The following FGF13 variants were observed in gnomAD, a reference collection of about 807,000 sequenced individuals.
The protein encoded by FGF13 is fibroblast growth factor 13.
A neutral mutation model predicts 19.5 loss-of-function variants in FGF13; 2 were observed. That is an observed-to-expected ratio of 0.10 (90% CI 0.04 to 0.32). FGF13 has a LOEUF of 0.32. Among genes scored for constraint, FGF13 ranks in the 10% least tolerant of loss-of-function variants. The pLI, the probability that FGF13 is intolerant of heterozygous loss-of-function variation, is 1.00. For missense variants in FGF13, 113 were observed against 192.7 expected, an observed-to-expected ratio of 0.59 and a Z score of 2.45; for synonymous variants, 72 against 76.9, an observed-to-expected ratio of 0.94 and a Z score of 0.33.
intron 1 of FGF13, among the ~76,000 whole-genome samples, chrX:138,888,396 A>G (rs1329051129): frequency 1.8e-5 from 2 of 111,150 alleles, no homozygotes; most frequent in South Asian, 3.8e-4. Flanking sequence ...GACTCTCACT[A>G]TCTCTTCTAC....
intron 3 of FGF13, among the ~76,000 whole-genome samples, chrX:138,778,252 T>C (rs760421167): frequency 9.3e-6 from 1 of 107,395 alleles, no homozygotes; most frequent in Admixed American, 1.0e-4. Flanking sequence ...GAAATGCTAA[T>C]CAACACTATA....
At chrX:138,944,457 T>G (rs1363392100) in intron 1 of FGF13, among the ~76,000 whole-genome samples, 6 of 108,819 alleles carry the variant, frequency 5.5e-5, no homozygotes, top group Non-Finnish European at 7.6e-5. Flanking sequence ...GGTTATTTCA[T>G]GCTGACCAGA....
chrX:138,690,520 CT>C lies in FGF13; in HGVS notation c.402+12463del, dbSNP rs1231229108. On this transcript the variant is annotated intron_variant, in intron 3 of 4. Transcript: ENST00000315930. ...CCACTTGTGCTGGGCAAGTGGGAGC[CT>C]TTTTTTTTTCTGAGTCACACATATA... Among the ~76,000 whole-genome samples the C allele has an allele frequency of 4.8e-5, 5 of 104,739 alleles. No individual in the cohort carries two copies. In the South Asian group the frequency reaches 1.3e-3, roughly 26 times the overall value. The allele number at this position is 104,739 out of a possible 115,157, so 91.0% of individuals were successfully genotyped here.
At chrX:138,693,015 C>T (rs753503030) in intron 3 of FGF13, among the ~76,000 whole-genome samples, 71 of 111,176 alleles carry the variant, frequency 6.4e-4, no homozygotes, top group African/African-American at 2.2e-3. Context: ...CATTCTCAGT[C>T]ATTCTTACAC....
intron 1 of FGF13, among the ~76,000 whole-genome samples, chrX:139,112,405 A>T (rs1037887065): frequency 1.5e-4 from 17 of 112,061 alleles, no homozygotes; most frequent in African/African-American, 5.2e-4. Flanking sequence ...TTCATATACT[A>T]TACAATTGAC....
At chrX:138,647,106 C>A (rs1242851842) in intron 3 of FGF13, among the ~76,000 whole-genome samples, 1 of 108,879 alleles carries the variant, frequency 9.2e-6, no homozygotes, top group African/African-American at 3.3e-5. Flanking sequence ...ATAGGCTGCC[C>A]AAGGTAAGTA....
intron 3 of FGF13, among the ~76,000 whole-genome samples, chrX:138,804,007 A>G (rs2090848328): frequency 8.9e-6 from 1 of 112,121 alleles, no homozygotes; most frequent in African/African-American, 3.2e-5. Context: ...ACTCTAACCA[A>G]TAATGCTCAC....
chrX:138,861,536 T>C (rs1276671095), intron 2 of FGF13, among the ~76,000 whole-genome samples: 1 of 112,497 alleles, frequency 8.9e-6, no homozygotes, highest in Non-Finnish European at 1.9e-5. Flanking sequence ...AAATCCTCTA[T>C]GTCATTTCAA....
chrX:139,111,554 C>G (rs2083601555), intron 1 of FGF13, among the ~76,000 whole-genome samples: 1 of 111,992 alleles, frequency 8.9e-6, no homozygotes, highest in Admixed American at 9.5e-5. Context: ...TTGATTAAAG[C>G]ATATCAATAT....
chrX:138,798,844 T>C (rs2090802010), intron 3 of FGF13, among the ~76,000 whole-genome samples: 1 of 112,292 alleles, frequency 8.9e-6, no homozygotes, highest in African/African-American at 3.2e-5. Context: ...TTTTCTAGTT[T>C]ATTTGTGTAG....
At chrX:139,037,247 A>T (rs2092253556) in intron 1 of FGF13, among the ~76,000 whole-genome samples, 1 of 111,485 alleles carries the variant, frequency 9.0e-6, no homozygotes, top group Non-Finnish European at 1.9e-5. Flanking sequence ...AACTATAGGC[A>T]AGACTTTTCA....
At chrX:138,978,639 C>T (rs1443525203) in intron 1 of FGF13, among the ~76,000 whole-genome samples, 1 of 112,201 alleles carries the variant, frequency 8.9e-6, no homozygotes, top group African/African-American at 3.2e-5. Flanking sequence ...TTACTGAAGA[C>T]TTATTATGTT....
chrX:139,015,890 C>A, intron 1 of FGF13, among the ~76,000 whole-genome samples: 1 of 111,407 alleles, frequency 9.0e-6, no homozygotes, highest in Admixed American at 9.5e-5. Flanking sequence ...AATGGAGAAC[C>A]CAAAGACAAA....
chrX:139,070,292 G>A (rs1412305454), intron 1 of FGF13, among the ~76,000 whole-genome samples: 4 of 111,429 alleles, frequency 3.6e-5, no homozygotes, highest in East Asian at 5.7e-4. Flanking sequence ...AGAAAAAAAC[G>A]AATAACCCCA....
intron 1 of FGF13, among the ~76,000 whole-genome samples, chrX:139,142,768 G>GT (rs1284627539): frequency 8.9e-6 from 1 of 111,885 alleles, no homozygotes. Context: ...GCACTGATCA[G>GT]TTTTTTCTTA....
At chrX:138,868,439 G>C (rs1385178687) in intron 1 of FGF13, among the ~76,000 whole-genome samples, 5 of 110,850 alleles carry the variant, frequency 4.5e-5, no homozygotes, top group Admixed American at 3.9e-4. Flanking sequence ...TTTGACATTA[G>C]TAACAATTAG....
chrX:139,055,828 T>G (rs1371999007), intron 1 of FGF13, among the ~76,000 whole-genome samples: 1 of 112,772 alleles, frequency 8.9e-6, no homozygotes, highest in Non-Finnish European at 1.9e-5. Context: ...GCTTCAATTC[T>G]AGCAGAATTC....
upstream of FGF13, chrX:139,204,266 C>T (rs1603238956): frequency 2.1e-5 from 10 of 481,747 alleles, no homozygotes; most frequent in East Asian, 7.9e-5. Flanking sequence ...CCGCCGCCGC[C>T]GCTGCCTACG....
At chrX:138,773,045 A>T (rs910083497) in intron 3 of FGF13, among the ~76,000 whole-genome samples, 2 of 110,163 alleles carry the variant, frequency 1.8e-5, no homozygotes, top group African/African-American at 3.3e-5. Context: ...TAAAAAAAAA[A>T]AAATAAAAAT....
Sources: gnomAD v4.1 joint callset for allele counts (sites outside exome capture counted in the v4.1 genomes callset) on GRCh38, gnomAD v4.1.1 for gene constraint, MANE v1.5 for transcripts, NCBI Gene and HGNC (gene_info 2026-07-23, HGNC 2026-07-21) for gene names.